Variants in SPAG9 observed in about 807,000 individuals in gnomAD.
The protein encoded by SPAG9 is sperm associated antigen 9.
Under a neutral mutation model 166.5 loss-of-function variants are expected in SPAG9, and 35 were observed. The ratio of observed to expected loss-of-function variants is 0.21; its 90% CI spans 0.16 to 0.28. The LOEUF (loss-of-function observed/expected upper bound fraction) is 0.28. Ranked by LOEUF, SPAG9 falls within the 10% of genes least tolerant of loss-of-function variation. The pLI, the probability that SPAG9 is intolerant of heterozygous loss-of-function variation, is 1.00. For missense variants in SPAG9, 1,235 were observed against 1,603.3 expected, an observed-to-expected ratio of 0.77 and a Z score of 3.92; for synonymous variants, 534 against 565.5, an observed-to-expected ratio of 0.94 and a Z score of 0.79.
At chr17:51,063,567 T>A (rs2144557988) in intron 2 of SPAG9, among the ~76,000 whole-genome samples, 2 of 152,284 alleles carry the variant, frequency 1.3e-5, no homozygotes, top group Middle Eastern at 6.8e-3. Context: ...GGAAAAATAC[T>A]GAATTTTGCA....
In SPAG9 at chr17:51,025,316, CAAAAAAAAA is replaced by C. The variant is rs10549685; in HGVS notation, c.784-3960_784-3952del. ...CTGGTGACAGGGTGAGACTCTGTCT[CAAAAAAAAA>C]AAAAAAAAAAAAAAAAAAAAATGCT... On this transcript the variant is annotated intron_variant, in intron 6 of 29. Transcript: ENST00000262013. Among the ~76,000 whole-genome samples the C allele has an allele frequency of 9.1e-3, 554 of 61,054 alleles. 3 individuals are homozygous for C. Among genetic ancestry groups the C allele is most frequent in the Non-Finnish European group, 0.012 (429 of 35,490 alleles). 40.1% of individuals were successfully genotyped at this position (61,054 alleles called of 152,430 possible).
chr17:51,048,112 A>T (rs1024644955), intron 3 of SPAG9, among the ~76,000 whole-genome samples: 1 of 152,116 alleles, frequency 6.6e-6, no homozygotes, highest in African/African-American at 2.4e-5. Context: ...ATACAAATGT[A>T]AAAAATTAGA....
intron 23 of SPAG9, 91 bp from the exon 24 acceptor site, chr17:50,985,081 G>T: frequency 9.6e-7 from 1 of 1,046,668 alleles, no homozygotes; most frequent in Non-Finnish European, 1.5e-6. Context: ...CTCACAAAGG[G>T]CCAATCTGTG....
intron 1 of SPAG9, among the ~76,000 whole-genome samples, chr17:51,088,061 A>C (rs1427628545): frequency 6.6e-6 from 1 of 152,170 alleles, no homozygotes; most frequent in Admixed American, 6.6e-5. Flanking sequence ...CTCTTTTTAA[A>C]GTCTTCTTGA....
intron 1 of SPAG9, among the ~76,000 whole-genome samples, chr17:51,113,519 A>G (rs1444665008): frequency 6.6e-6 from 1 of 151,648 alleles, no homozygotes; most frequent in Non-Finnish European, 1.5e-5. Flanking sequence ...ATCTCTATTA[A>G]AAATACAAAA....
chr17:51,021,820 C>A (rs1002458476), intron 6 of SPAG9, among the ~76,000 whole-genome samples: 1 of 140,572 alleles, frequency 7.1e-6, no homozygotes, highest in African/African-American at 2.4e-5. Context: ...GCATCTAAAT[C>A]ATTTGAAGTG....
intron 3 of SPAG9, among the ~76,000 whole-genome samples, chr17:51,052,429 G>A (rs1307729174): frequency 6.6e-6 from 1 of 152,098 alleles, no homozygotes; most frequent in East Asian, 1.9e-4. Flanking sequence ...CTTCCTTGAG[G>A]CAAAACAAAA....
At chr17:51,073,642 T>G (rs1555654471) in intron 2 of SPAG9, among the ~76,000 whole-genome samples, 2 of 151,888 alleles carry the variant, frequency 1.3e-5, no homozygotes, top group Non-Finnish European at 2.9e-5. Flanking sequence ...AATGTTTAAG[T>G]GTGGTAAAAT....
intron 16 of SPAG9, chr17:50,995,801 C>G (rs2044654272): frequency 2.8e-6 from 1 of 355,246 alleles, no homozygotes; most frequent in Non-Finnish European, 5.1e-6. Context: ...GTAGCTGGGA[C>G]TACAGGCACA....
At chr17:51,085,442 G>A (rs1315466011) in intron 1 of SPAG9, 1 of 152,056 alleles carries the variant, frequency 6.6e-6, no homozygotes, top group Non-Finnish European at 1.5e-5. Context: ...AATTTTTCAC[G>A]TTTTATTATG....
intron 3 of SPAG9, among the ~76,000 whole-genome samples, chr17:51,048,624 A>G (rs886455102): frequency 6.6e-6 from 1 of 152,176 alleles, no homozygotes; most frequent in African/African-American, 2.4e-5. Flanking sequence ...AAATTTTTAA[A>G]AAGTTTAAAT....
chr17:50,969,074 A>C (rs1973575555), intron 29 of SPAG9, among the ~76,000 whole-genome samples: 1 of 152,006 alleles, frequency 6.6e-6, no homozygotes, highest in South Asian at 2.1e-4. Flanking sequence ...CTGGGATTAC[A>C]GGTACACGGC....
At position 51,074,160 on chromosome 17, in the gene SPAG9, C is replaced by T. The variant is rs190140817; in HGVS notation, c.424+5424G>A. The stretch of plus-strand genomic sequence containing the variant: ...CTGAGGCAGGAGAATGGCGTGAACC[C>T]GGGAGGCAGAGCTTGCAGTGAGCCG... On this transcript the variant is annotated intron_variant, in intron 2 of 29. Coordinates refer to ENST00000262013, the MANE Select transcript of SPAG9 (RefSeq NM_001130528.3). Among the ~76,000 whole-genome samples the T allele has an allele frequency of 4.5e-3, 683 of 152,090 alleles. 6 individuals carry two copies. Among genetic ancestry groups the T allele is most frequent in the African/African-American group, 0.015 (639 of 41,472 alleles).
intron 4 of SPAG9, 47 bp downstream of exon 4, chr17:51,047,328 T>A: frequency 9.9e-7 from 1 of 1,007,232 alleles, no homozygotes; most frequent in Non-Finnish European, 1.5e-6. Flanking sequence ...AACAAACATA[T>A]TATTTATTTT....
At chr17:51,040,833 T>A (rs1252672304) in intron 5 of SPAG9, among the ~76,000 whole-genome samples, 2 of 152,208 alleles carry the variant, frequency 1.3e-5, no homozygotes, top group African/African-American at 2.4e-5. Flanking sequence ...TGAGTTGATT[T>A]TATAAGGTAA....
At chr17:51,053,855 G>GTATATA (rs1161592026) in intron 3 of SPAG9, among the ~76,000 whole-genome samples, 1,888 of 37,372 alleles carry the variant, frequency 0.051, 108 homozygotes, top group Non-Finnish European at 0.054. Flanking sequence ...AAAAAAAAAA[G>GTATATA]TATATATATA....
chr17:50,970,712 C>A lies in SPAG9; in HGVS notation c.3845G>T (p.Arg1282Leu). The change falls in exon 29 of 30, where the codon CGA becomes CTA. Residue 1282 changes from arginine to leucine, a missense_variant. Transcript: ENST00000262013. Reference sequence around the variant, plus strand: ...ACCCAGAACCAATGACATACCCATTCGGAAGTCGATGTAGCCCTCTCCTCC... The same window carrying A: ...ACCCAGAACCAATGACATACCCATTAGGAAGTCGATGTAGCCCTCTCCTCC... ...ISGGEGYIDF[R>L]MGDEGGESEL... The A allele has an allele frequency of 6.2e-7, 1 of 1,612,606 alleles. No homozygotes were observed. Among genetic ancestry groups the A allele is most frequent in the Non-Finnish European group, 8.5e-7 (1 of 1,179,174 alleles).
chr17:50,985,863 G>T lies in SPAG9; in HGVS notation c.2940-85C>A, dbSNP rs921683552. 12 of 718,014 alleles carry T rather than the reference G, an allele frequency of 1.7e-5. No homozygotes were observed. In the African/African-American group the frequency reaches 2.2e-4, roughly 13 times the overall value. 44.5% of individuals were successfully genotyped at this position (718,014 alleles called of 1,614,324 possible). On this transcript the variant is annotated intron_variant, in intron 22 of 29. Coordinates refer to ENST00000262013, the MANE Select transcript of SPAG9 (RefSeq NM_001130528.3). ...TAACAATGATCGCGAAGTTCATTCA[G>T]AAGGAAAGAAGAGTAACATACAAAT...
At chr17:50,968,047 A>C (rs145311590) in intron 29 of SPAG9, among the ~76,000 whole-genome samples, 50 of 152,328 alleles carry the variant, frequency 3.3e-4, no homozygotes, top group African/African-American at 1.1e-3. Context: ...ACTCCAACAC[A>C]AAGTTACAAA....
Sources: gnomAD v4.1 joint callset for allele counts (sites outside exome capture counted in the v4.1 genomes callset) on GRCh38, gnomAD v4.1.1 for gene constraint, MANE v1.5 for transcripts, NCBI Gene and HGNC (gene_info 2026-07-23, HGNC 2026-07-21) for gene names.